MPDZ: variants seen among roughly 807,000 people sequenced by gnomAD.
MPDZ encodes multiple PDZ domain crumbs cell polarity complex component.
In MPDZ, 234 loss-of-function variants were observed where a neutral mutation model predicts 239.1. The ratio of observed to expected loss-of-function variants is 0.98; its 90% confidence interval spans 0.88 to 1.09. MPDZ has a LOEUF of 1.09. Ranked by LOEUF, MPDZ falls within the 50% of genes least tolerant of loss-of-function variation. The probability of loss-of-function intolerance (pLI) is 0.00; values close to 1 mark genes in which losing one functional copy is unlikely to be tolerated. For missense variants in MPDZ, 3,175 were observed against 2,510.0 expected (o/e 1.26, Z -5.66); for synonymous variants, 1,048 against 881.3 (o/e 1.19, Z -3.35).
intron 4 of MPDZ, 117 bp downstream of exon 4, chr9:13,224,257 G>C: frequency 2.0e-6 from 2 of 985,500 alleles, no homozygotes; most frequent in Non-Finnish European, 3.0e-6. Context: ...CTGACTTTTT[G>C]TTCCAATGTT....
intron 26 of MPDZ, 108 bp from the exon 27 acceptor site, chr9:13,143,672 G>C: frequency 2.5e-6 from 2 of 801,224 alleles, no homozygotes; most frequent in Non-Finnish European, 4.4e-6. Context: ...TGTGAAACTA[G>C]ATCCTATCAG....
At chr9:13,274,311 T>G (rs1973676602) in intron 1 of MPDZ, among the ~76,000 whole-genome samples, 1 of 152,006 alleles carries the variant, frequency 6.6e-6, no homozygotes. Flanking sequence ...TTTTAATAAA[T>G]GTTTCATTTT....
intron 42 of MPDZ, 104 bp from the exon 43 acceptor site, chr9:13,112,250 G>C: frequency 8.5e-7 from 1 of 1,179,070 alleles, no homozygotes; most frequent in Middle Eastern, 2.4e-4. Flanking sequence ...TTTTCTAAGT[G>C]TGAGGGGGAA....
chr9:13,159,288 T>G lies in MPDZ; in HGVS notation c.3360-1178A>C, dbSNP rs186286437. 1.1e-3 allele frequency among the ~76,000 whole-genome samples: 163 copies of G among 152,232 alleles called. 1 individual carries two copies. Among genetic ancestry groups the G allele is most frequent in the African/African-American group, 3.8e-3 (156 of 41,550 alleles). ...TTAAGCTATTAGAATAAAATCTCTT[T>G]GCTATAGGTCCTACCCATTGGTTTT... On this transcript the variant is annotated intron_variant, in intron 23 of 46. Transcript: ENST00000319217.
chr9:13,129,061 T>G (rs1945535934), intron 32 of MPDZ, among the ~76,000 whole-genome samples: 2 of 152,182 alleles, frequency 1.3e-5, no homozygotes. Flanking sequence ...AGAGGAGTCC[T>G]AAAAGAAACA....
At chr9:13,172,220 T>C (rs1951862073) in intron 21 of MPDZ, among the ~76,000 whole-genome samples, 1 of 151,786 alleles carries the variant, frequency 6.6e-6, no homozygotes, top group African/African-American at 2.4e-5. Context: ...TCCCAGGAAA[T>C]CAAAACGCCA....
rs779265144 is a variant in MPDZ at position 13,147,682 on chromosome 9, A to C, written c.3631-24T>G. On this transcript the variant is annotated intron_variant, in intron 25 of 46. Coordinates refer to ENST00000319217, the MANE Select transcript of MPDZ (RefSeq NM_001378778.1). ...ACCTGCAATGGAAGGCCTCAGCTTA[A>C]CATTTCAAGAATCTATAGAACAACA... 9 of 1,560,642 alleles carry C rather than the reference A, an allele frequency of 5.8e-6. No homozygotes were observed. The African/African-American group carries it at 1.1e-4, about 19-fold the overall frequency.
At chr9:13,190,075 A>G (rs1235037050) in intron 16 of MPDZ, 39 bp downstream of exon 16, 3 of 1,553,938 alleles carry the variant, frequency 1.9e-6, no homozygotes, top group Non-Finnish European at 2.6e-6. Context: ...GATAGCAACA[A>G]TAGGCCTTTA....
At chr9:13,120,137 T>C (rs1944112145) in intron 38 of MPDZ, 1 of 156,282 alleles carries the variant, frequency 6.4e-6, no homozygotes, top group African/African-American at 2.4e-5. Context: ...ACTCAAAATC[T>C]AAGTACCATT....
chr9:13,193,660 T>A (rs1358695020), intron 13 of MPDZ, among the ~76,000 whole-genome samples: 1 of 152,152 alleles, frequency 6.6e-6, no homozygotes, highest in Non-Finnish European at 1.5e-5. Context: ...AGAAAAGGGT[T>A]TGAAGCTAAA....
intron 1 of MPDZ, chr9:13,274,450 C>T (rs1973705690): frequency 2.0e-5 from 3 of 151,694 alleles, no homozygotes; most frequent in African/African-American, 4.8e-5. Context: ...GATAAGAATT[C>T]CCTAAACAAA....
chr9:13,117,843 CTTTTTTTTTT>C (rs201420389), intron 39 of MPDZ, among the ~76,000 whole-genome samples: 1 of 131,600 alleles, frequency 7.6e-6, no homozygotes, highest in Non-Finnish European at 1.6e-5. Flanking sequence ...TTCAGATTAG[CTTTTTTTTTT>C]TTTTTTTTGA....
At chr9:13,221,248 G>T (rs1959061383) in intron 7 of MPDZ, 124 bp downstream of exon 7, 2 of 1,078,580 alleles carry the variant, frequency 1.9e-6, no homozygotes, top group Non-Finnish European at 2.5e-6. Context: ...TAAAACGAAA[G>T]ATTCTAACTC....
chr9:13,256,979 T>C (rs1470055892), intron 1 of MPDZ, among the ~76,000 whole-genome samples: 1 of 152,176 alleles, frequency 6.6e-6, no homozygotes, highest in Non-Finnish European at 1.5e-5. Flanking sequence ...GTCCTATGTT[T>C]GGTTTCAGGC....
chr9:13,216,256 A>G (rs752351813), intron 10 of MPDZ, among the ~76,000 whole-genome samples: 2 of 151,338 alleles, frequency 1.3e-5, no homozygotes, highest in African/African-American at 4.8e-5. Flanking sequence ...TTGATGTTAC[A>G]ACGATAACAA....
At chr9:13,124,980 T>C (rs1341486721) in intron 35 of MPDZ, among the ~76,000 whole-genome samples, 1 of 152,110 alleles carries the variant, frequency 6.6e-6, no homozygotes, top group East Asian at 1.9e-4. Context: ...TTTGAGTGGG[T>C]AGGTTTCCTA....
intron 1 of MPDZ, among the ~76,000 whole-genome samples, chr9:13,265,659 C>T (rs535844276): frequency 6.6e-6 from 1 of 152,192 alleles, no homozygotes; most frequent in Non-Finnish European, 1.5e-5. Context: ...TCTGTTAGAA[C>T]CTACCAACTG....
chr9:13,136,278 A>G (rs1946730878), intron 30 of MPDZ, 96 bp from the exon 31 acceptor site: 1 of 616,960 alleles, frequency 1.6e-6, no homozygotes, highest in African/African-American at 2.1e-5. Context: ...AAATTATTTA[A>G]CCCCCAAAAC....
intron 12 of MPDZ, 82 bp from the exon 13 acceptor site, chr9:13,196,312 TC>T (rs1315158826): frequency 1.1e-6 from 1 of 929,078 alleles, no homozygotes; most frequent in Non-Finnish European, 1.7e-6. Context: ...GATTCTCTGA[TC>T]AGAACCCGCT....
Sources: allele counts gnomAD v4.1 joint callset (sites outside exome capture counted in the v4.1 genomes callset), GRCh38; gene constraint gnomAD v4.1.1; transcripts MANE v1.5; gene names NCBI Gene and HGNC (gene_info 2026-07-23, HGNC 2026-07-21).